Variants in DYNAP observed in about 807,000 individuals in gnomAD.
DYNAP encodes dynactin-associated protein.
A neutral mutation model predicts 8.5 loss-of-function variants in DYNAP; 7 were observed. The ratio of observed to expected loss-of-function variants is 0.82; its 90% CI spans 0.47 to 1.54. The LOEUF (loss-of-function observed/expected upper bound fraction) is 1.54. Ranked by LOEUF, DYNAP falls within the 40% of genes most tolerant of loss-of-function variation. The pLI, the probability that DYNAP is intolerant of heterozygous loss-of-function variation, is 0.01. For missense variants in DYNAP, 256 were observed against 224.3 expected (o/e 1.14, Z -0.90); for synonymous variants, 77 against 77.9 (o/e 0.99, Z 0.06).
At position 54,595,111 on chromosome 18, in the gene DYNAP, G is replaced by A. The variant is rs771728694; in HGVS notation, c.222+8G>A. ...GAATCCTGTAACACACAGGTAATGT[G>A]TAGCACGGGAGCTTTTATTCAAGTT... On this transcript the variant is annotated splice_region_variant and intron_variant, in intron 2 of 2. Coordinates refer to ENST00000648945, the MANE Select transcript of DYNAP (RefSeq NM_173629.3). The A allele has an allele frequency of 1.4e-5, 22 of 1,606,628 alleles. No homozygotes were observed. Among genetic ancestry groups the A allele is most frequent in the Non-Finnish European group, 1.8e-5 (21 of 1,176,106 alleles).
intron 1 of DYNAP, 55 bp from the exon 2 acceptor site, chr18:54,594,884 A>C (rs1911220484): frequency 6.6e-7 from 1 of 1,524,594 alleles, no homozygotes; most frequent in Non-Finnish European, 8.8e-7. Context: ...TTATTTTAGC[A>C]ACTCAACACC....
chr18:54,581,044 C>T, the DYNAP span, among the ~76,000 whole-genome samples: 2 of 152,154 alleles, frequency 1.3e-5, no homozygotes, highest in African/African-American at 4.8e-5. Context: ...AATGGTTCAG[C>T]AGTGGAAATG....
rs116724192 is a variant in DYNAP, at chr18:54,594,682, G to A, written c.58-257G>A. Among the ~76,000 whole-genome samples, 1,111 of 152,134 alleles carry A rather than the reference G, an allele frequency of 7.3e-3. 23 individuals are homozygous for A. Among genetic ancestry groups the A allele is most frequent in the African/African-American group, 0.024 (1,003 of 41,512 alleles). On this transcript the variant is annotated intron_variant, in intron 1 of 2. Transcript: ENST00000648945. Reference sequence around the variant, plus strand: ...CCACATACAGCAGCTTGCAACATAAGGATATTCGATCCATTTATGTAATAT... The same window carrying A: ...CCACATACAGCAGCTTGCAACATAAAGATATTCGATCCATTTATGTAATAT...
chr18:54,596,501 T>A (rs934531399), intron 2 of DYNAP, among the ~76,000 whole-genome samples: 1 of 152,108 alleles, frequency 6.6e-6, no homozygotes, highest in South Asian at 2.1e-4. Flanking sequence ...CATACAACAA[T>A]GGTTTTTAAA....
chr18:54,588,888 G>A (rs188070027), upstream of DYNAP, among the ~76,000 whole-genome samples: 2 of 152,180 alleles, frequency 1.3e-5, no homozygotes, highest in East Asian at 1.9e-4. Context: ...GAAATGTATT[G>A]TTCAGTTTCT....
upstream of DYNAP, among the ~76,000 whole-genome samples, chr18:54,590,044 A>G (rs1911009623): frequency 6.6e-6 from 1 of 152,142 alleles, no homozygotes; most frequent in Non-Finnish European, 1.5e-5. Flanking sequence ...AATCATTTTA[A>G]GTATACAGTT....
In DYNAP at chr18:54,598,314, C is replaced by A; in HGVS notation, c.*169C>A. The A allele has an allele frequency of 1.5e-6, 1 of 649,170 alleles. No individual in the cohort carries two copies. Among genetic ancestry groups the A allele is most frequent in the South Asian group, 2.6e-5 (1 of 38,636 alleles). The allele number at this position is 649,170 out of a possible 1,614,324, so 40.2% of individuals were successfully genotyped here. On this transcript the variant is annotated 3_prime_UTR_variant, in exon 3 of 3. Transcript: ENST00000648945. ...TCAACAAAATCAAGTCCTACTTCAACTTAAACTTACTTGACAACTCAAATA... is the reference window on the plus strand; with the variant it reads ...TCAACAAAATCAAGTCCTACTTCAAATTAAACTTACTTGACAACTCAAATA...
At chr18:54,587,837 G>T (rs1340374554), upstream of DYNAP, 12 of 400,554 alleles carry the variant, frequency 3.0e-5, no homozygotes, top group Admixed American at 8.8e-5. Context: ...AACAGCAAAA[G>T]TCACCCAAAA....
At chr18:54,586,916 G>T (rs547305118), upstream of DYNAP, among the ~76,000 whole-genome samples, 3 of 152,170 alleles carry the variant, frequency 2.0e-5, no homozygotes, top group Non-Finnish European at 4.4e-5. Context: ...CCTAAGGGTA[G>T]CACCTTTTCC....
At chr18:54,577,912 C>T in the DYNAP span, among the ~76,000 whole-genome samples, 6 of 143,372 alleles carry the variant, frequency 4.2e-5, no homozygotes, top group South Asian at 4.3e-4. Context: ...AGTGATCAGG[C>T]GAGATCAGGC....
At chr18:54,578,615 C>T in the DYNAP span, among the ~76,000 whole-genome samples, 2 of 152,074 alleles carry the variant, frequency 1.3e-5, no homozygotes, top group African/African-American at 2.4e-5. Context: ...CTCTAGAAAC[C>T]AGCCCATGGG....
rs1292622215 is a variant in DYNAP, at chr18:54,598,001, A to G, written c.411A>G (p.Gly137=). The change falls in exon 3 of 3, where the codon GGA becomes GGG. Residue 137 remains glycine, a synonymous_variant. Transcript: ENST00000648945. ...GAGAGTGTGTGACTGTCAAACCTGG[A>G]ACACCCTCTCCTGCTTGTCCACCTA... ...NDGECVTVKP[G]TPSPACPPTM... 4 of 1,613,334 alleles carry G rather than the reference A, an allele frequency of 2.5e-6. No individual in the cohort carries two copies. The highest frequency in any genetic ancestry group is 3.4e-6 in the Non-Finnish European group (4 of 1,179,762).
chr18:54,578,353 TAATG>T, the DYNAP span, among the ~76,000 whole-genome samples: 1 of 152,328 alleles, frequency 6.6e-6, no homozygotes, highest in African/African-American at 2.4e-5. Context: ...TTATTGCAAT[TAATG>T]AATATTTTAC....
rs1911428782 is a variant in DYNAP, at chr18:54,599,034, A to C, written c.*889A>C. 6.6e-6 allele frequency: 1 copy of C among 152,072 alleles called. No individual in the cohort carries two copies. Among genetic ancestry groups the C allele is most frequent in the Admixed American group, 6.6e-5 (1 of 15,244 alleles). 9.4% of individuals were successfully genotyped at this position (152,072 alleles called of 1,614,324 possible). A position where few individuals can be genotyped will look rare whatever the true frequency, so the allele number is the denominator to read the frequency against. On this transcript the variant is annotated 3_prime_UTR_variant, in exon 3 of 3. Transcript: ENST00000648945. ...ATTTACCTATAGCCTGGAAGCCCCA[A>C]CTTTGAGTTGTCCTGCCTTTCTGAA...
At chr18:54,577,666 A>AAAGAT in the DYNAP span, among the ~76,000 whole-genome samples, 2 of 151,986 alleles carry the variant, frequency 1.3e-5, no homozygotes, top group African/African-American at 4.8e-5. Context: ...AAAGAAAAGA[A>AAAGAT]AACAGAGTTG....
At chr18:54,576,835 C>A in the DYNAP span, among the ~76,000 whole-genome samples, 1 of 151,036 alleles carries the variant, frequency 6.6e-6, no homozygotes, top group East Asian at 1.9e-4. Flanking sequence ...ACAACAACAA[C>A]AACACCAAAA....
chr18:54,593,089 T>C (rs1013321430), intron 1 of DYNAP, among the ~76,000 whole-genome samples: 2 of 152,208 alleles, frequency 1.3e-5, no homozygotes, highest in Non-Finnish European at 2.9e-5. Context: ...TATTCATATT[T>C]GATAAACATG....
chr18:54,590,225 G>T (rs1246711370), upstream of DYNAP, among the ~76,000 whole-genome samples: 1 of 152,050 alleles, frequency 6.6e-6, no homozygotes, highest in East Asian at 1.9e-4. Context: ...CTATGATTTT[G>T]ACTATTCTAG....
At chr18:54,577,864 G>A in the DYNAP span, among the ~76,000 whole-genome samples, 5 of 151,512 alleles carry the variant, frequency 3.3e-5, no homozygotes, top group African/African-American at 1.2e-4. Flanking sequence ...CTACTCGGGA[G>A]GCTGAGGCAG....
Sources: allele counts gnomAD v4.1 joint callset (sites outside exome capture counted in the v4.1 genomes callset), GRCh38; gene constraint gnomAD v4.1.1; transcripts MANE v1.5; gene names NCBI Gene and HGNC (gene_info 2026-07-23, HGNC 2026-07-21).